The following PPFIA2 variants were observed in gnomAD, a reference collection of about 807,000 sequenced individuals.
The protein encoded by PPFIA2 is liprin-alpha-2.
PPFIA2 carries 46 observed loss-of-function variants against 175.5 expected under a neutral mutation model. That is an observed-to-expected ratio of 0.26 (90% confidence interval 0.21 to 0.34). The LOEUF is 0.34. Among genes scored for constraint, PPFIA2 ranks in the 10% least tolerant of loss-of-function variants. PPFIA2 has a pLI of 1.00. For missense variants in PPFIA2, 1,179 were observed against 1,506.1 expected (o/e 0.78, Z 3.60); for synonymous variants, 568 against 511.4 (o/e 1.11, Z -1.49).
At chr12:81,342,813 T>C (rs894786060) in intron 19 of PPFIA2, among the ~76,000 whole-genome samples, 22 of 152,012 alleles carry the variant, frequency 1.4e-4, no homozygotes, top group Admixed American at 1.2e-3. Context: ...AAACATCTTA[T>C]AAAATACCCT....
chr12:81,510,470 T>A (rs2061649686), intron 4 of PPFIA2, among the ~76,000 whole-genome samples: 1 of 152,154 alleles, frequency 6.6e-6, no homozygotes, highest in Non-Finnish European at 1.5e-5. Context: ...CAATATCATA[T>A]CTAGAATGTA....
In PPFIA2 at chr12:81,751,234, T is replaced by G. The variant is rs572528390; in HGVS notation, c.249+2739A>C. On this transcript the variant is annotated intron_variant, in intron 3 of 32. Coordinates refer to ENST00000549396, the MANE Select transcript of PPFIA2 (RefSeq NM_003625.5). ...ATACAAATTGATATTGAAAAAGATA[T>G]CCTCAAAGTATTTTTAATTTAGAAT... is the stretch of plus-strand genomic sequence containing the variant. Among the ~76,000 whole-genome samples, 315 of 152,196 alleles carry G rather than the reference T, an allele frequency of 2.1e-3. 1 individual carries two copies. The highest frequency in any genetic ancestry group is 7.0e-3 in the African/African-American group (291 of 41,536).
chr12:81,402,037 C>T (rs989303958), intron 8 of PPFIA2, among the ~76,000 whole-genome samples: 25 of 152,128 alleles, frequency 1.6e-4, no homozygotes, highest in African/African-American at 5.5e-4. Flanking sequence ...TTTTGTGAGG[C>T]TATTTTTGTC....
intron 14 of PPFIA2, among the ~76,000 whole-genome samples, chr12:81,366,160 A>AAG (rs2033349144): frequency 6.7e-6 from 1 of 149,446 alleles, no homozygotes; most frequent in African/African-American, 2.5e-5. Flanking sequence ...TTCTCAACAT[A>AAG]CAGTTATAGA....
intron 28 of PPFIA2, among the ~76,000 whole-genome samples, chr12:81,271,054 GT>G: frequency 6.6e-6 from 1 of 152,122 alleles, no homozygotes; most frequent in East Asian, 1.9e-4. Context: ...AGTTTTCTAT[GT>G]TCTTATATTG....
chr12:81,584,977 AT>A (rs1160045963), intron 4 of PPFIA2, among the ~76,000 whole-genome samples: 27 of 26,584 alleles, frequency 1.0e-3, no homozygotes, highest in African/African-American at 2.7e-3. Flanking sequence ...TATATTATAT[AT>A]TAATTATATT....
intron 11 of PPFIA2, chr12:81,369,402 A>ATTGGAG (rs1009199321): frequency 6.1e-5 from 86 of 1,401,922 alleles, no homozygotes; most frequent in Non-Finnish European, 7.6e-5. Context: ...TCAGCAAAAC[A>ATTGGAG]TTGGAGTTAT....
At chr12:81,433,046 C>A (rs1167249513) in intron 7 of PPFIA2, among the ~76,000 whole-genome samples, 2 of 151,356 alleles carry the variant, frequency 1.3e-5, no homozygotes, top group South Asian at 2.1e-4. Flanking sequence ...CAGAAAAAAA[C>A]CCATAATATT....
At chr12:81,690,514 A>G (rs1045981927) in intron 3 of PPFIA2, among the ~76,000 whole-genome samples, 4 of 151,920 alleles carry the variant, frequency 2.6e-5, no homozygotes, top group Non-Finnish European at 4.4e-5. Context: ...CCCCCAACAC[A>G]CAGAGGTGAC....
chr12:81,322,052 G>A (rs1258145994), intron 22 of PPFIA2, among the ~76,000 whole-genome samples: 1 of 152,038 alleles, frequency 6.6e-6, no homozygotes, highest in Non-Finnish European at 1.5e-5. Context: ...CCCAGGCTGG[G>A]TCTCAAATGC....
chr12:81,374,117 T>C (rs1051256410), intron 11 of PPFIA2, among the ~76,000 whole-genome samples: 3 of 152,082 alleles, frequency 2.0e-5, no homozygotes, highest in Non-Finnish European at 4.4e-5. Context: ...AGCGTATTAT[T>C]GATTTTAATT....
chr12:81,270,223 A>G (rs2038677483), intron 28 of PPFIA2, among the ~76,000 whole-genome samples: 1 of 152,208 alleles, frequency 6.6e-6, no homozygotes, highest in Non-Finnish European at 1.5e-5. Flanking sequence ...CCACTCTCAC[A>G]ATTTAACCTT....
intron 3 of PPFIA2, among the ~76,000 whole-genome samples, chr12:81,740,258 T>G (rs1247269616): frequency 6.6e-6 from 1 of 152,178 alleles, no homozygotes; most frequent in African/African-American, 2.4e-5. Context: ...AAACTCTGAT[T>G]GCAATGCAAA....
chr12:81,267,241 T>A, intron 29 of PPFIA2: 1 of 576,922 alleles, frequency 1.7e-6, no homozygotes. Context: ...CAGTCTTGCA[T>A]AAACATCTGA....
intron 4 of PPFIA2, among the ~76,000 whole-genome samples, chr12:81,526,313 G>T (rs945376566): frequency 1.3e-5 from 2 of 152,172 alleles, no homozygotes; most frequent in African/African-American, 4.8e-5. Context: ...GATTGCTAAT[G>T]CAGGCCAATT....
intron 7 of PPFIA2, among the ~76,000 whole-genome samples, chr12:81,411,237 A>G (rs2043911852): frequency 6.6e-6 from 1 of 152,092 alleles, no homozygotes; most frequent in African/African-American, 2.4e-5. Context: ...GTTGTTTAAT[A>G]TTCCTGTGGC....
At chr12:81,369,299 A>G (rs1456052013) in intron 11 of PPFIA2, 105 bp from the exon 12 acceptor site, 2 of 1,530,244 alleles carry the variant, frequency 1.3e-6, no homozygotes, top group Admixed American at 4.0e-5. Flanking sequence ...CCAACTGCAA[A>G]CATAGTTTTT....
chr12:81,500,512 C>T (rs2060482528), intron 4 of PPFIA2, among the ~76,000 whole-genome samples: 2 of 152,194 alleles, frequency 1.3e-5, no homozygotes, highest in Admixed American at 1.3e-4. Flanking sequence ...CCAGGCATAA[C>T]AACGCTTTGC....
chr12:81,360,489 GTCTA>G (rs1427860082), intron 15 of PPFIA2, among the ~76,000 whole-genome samples: 3 of 151,550 alleles, frequency 2.0e-5, no homozygotes, highest in African/African-American at 7.3e-5. Flanking sequence ...ATTACCCAGA[GTCTA>G]TCTTTTTTCA....
Sources: allele counts gnomAD v4.1 joint callset (sites outside exome capture counted in the v4.1 genomes callset), GRCh38; gene constraint gnomAD v4.1.1; transcripts MANE v1.5; gene names NCBI Gene and HGNC (gene_info 2026-07-23, HGNC 2026-07-21).